Variants in CDH18 observed in about 807,000 individuals in gnomAD.
CDH18 encodes cadherin-18.
In CDH18, 31 loss-of-function variants were observed where a neutral mutation model predicts 67.9. The observed-to-expected ratio is 0.46, with a 90% CI of 0.34 to 0.62. The LOEUF is 0.62. Among genes scored for constraint, CDH18 ranks in the 20% least tolerant of loss-of-function variants. The pLI is 0.01. For synonymous variants in CDH18, 362 were observed against 347.2 expected, an observed-to-expected ratio of 1.04 and a Z score of -0.48; for missense variants, 890 against 975.5, an observed-to-expected ratio of 0.91 and a Z score of 1.17.
At chr5:20,515,269 T>C (rs1282177414) in intron 1 of CDH18, among the ~76,000 whole-genome samples, 1 of 128,630 alleles carries the variant, frequency 7.8e-6, no homozygotes, top group East Asian at 2.3e-4. Flanking sequence ...GAGTGTCCAA[T>C]AGAGGAAGGA....
At chr5:19,922,819 A>G (rs996653234) in intron 2 of CDH18, among the ~76,000 whole-genome samples, 5 of 152,182 alleles carry the variant, frequency 3.3e-5, no homozygotes, top group Admixed American at 2.0e-4. Flanking sequence ...AAAATCATAC[A>G]TCTTCTTCTT....
At chr5:19,957,077 G>C (rs1029250853) in intron 2 of CDH18, among the ~76,000 whole-genome samples, 1 of 151,908 alleles carries the variant, frequency 6.6e-6, no homozygotes, top group African/African-American at 2.4e-5. Context: ...CTGTTTCTCA[G>C]TTTAGTAAAG....
intron 3 of CDH18, among the ~76,000 whole-genome samples, chr5:19,780,998 G>A (rs116697720): frequency 1.2e-3 from 189 of 152,104 alleles, no homozygotes; most frequent in Non-Finnish European, 2.1e-3. Context: ...TATTTAAAAC[G>A]CCTGTAGAAG....
At chr5:20,433,313 T>A (rs1748915932) in intron 1 of CDH18, among the ~76,000 whole-genome samples, 1 of 151,966 alleles carries the variant, frequency 6.6e-6, no homozygotes, top group Admixed American at 6.6e-5. Flanking sequence ...TAGTTGATTC[T>A]AGCCTACCCA....
At chr5:19,571,533 G>T in intron 8 of CDH18, 46 bp downstream of exon 8, 1 of 1,535,724 alleles carries the variant, frequency 6.5e-7, no homozygotes, top group Non-Finnish European at 8.9e-7. Context: ...TAATGTGAGA[G>T]GCAATAAAAA....
At chr5:20,355,576 G>A (rs937190658) in intron 1 of CDH18, among the ~76,000 whole-genome samples, 3 of 152,128 alleles carry the variant, frequency 2.0e-5, no homozygotes, top group Non-Finnish European at 4.4e-5. Context: ...TTTAGAAAGT[G>A]TATATTGCTC....
intron 2 of CDH18, among the ~76,000 whole-genome samples, chr5:19,887,978 T>C (rs562977320): frequency 6.6e-6 from 1 of 152,086 alleles, no homozygotes; most frequent in Non-Finnish European, 1.5e-5. Context: ...GCATACACAA[T>C]TGCATGGTGT....
At chr5:20,548,495 A>AT (rs1394708065) in intron 1 of CDH18, among the ~76,000 whole-genome samples, 4 of 150,192 alleles carry the variant, frequency 2.7e-5, no homozygotes, top group Non-Finnish European at 4.4e-5. Flanking sequence ...ATTATGTTTA[A>AT]TTTTTTTAAG....
chr5:20,540,231 T>C lies in CDH18; in HGVS notation c.-580+35231A>G, dbSNP rs78545249. 3.3e-5 allele frequency among the ~76,000 whole-genome samples: 5 copies of C among 152,304 alleles called. No individual in the cohort carries two copies. In the East Asian group the frequency reaches 9.7e-4, roughly 29 times the overall value. Reference sequence around the variant, plus strand: ...TTTAAGCCTCATTGTACTTACCCTATAGTTTTGCCTAATTAAAAATAGTAA... The same window carrying C: ...TTTAAGCCTCATTGTACTTACCCTACAGTTTTGCCTAATTAAAAATAGTAA... On this transcript the variant is annotated intron_variant, in intron 1 of 14. Coordinates refer to the CDH18 transcript ENST00000507958.
intron 2 of CDH18, among the ~76,000 whole-genome samples, chr5:20,174,749 T>TA (rs1366793061): frequency 1.3e-5 from 2 of 152,126 alleles, no homozygotes; most frequent in African/African-American, 2.4e-5. Flanking sequence ...CCCATTATAA[T>TA]AAAAAGAACA....
intron 1 of CDH18, among the ~76,000 whole-genome samples, chr5:20,472,280 G>T (rs1255354648): frequency 6.6e-6 from 1 of 152,116 alleles, no homozygotes; most frequent in Non-Finnish European, 1.5e-5. Flanking sequence ...TTAGGAATAG[G>T]TTTTTAAATT....
chr5:19,613,561 G>T (rs1219924507), intron 5 of CDH18, among the ~76,000 whole-genome samples: 1 of 152,118 alleles, frequency 6.6e-6, no homozygotes, highest in Non-Finnish European at 1.5e-5. Flanking sequence ...GTAGTGCAAA[G>T]AGGGACGTTT....
At chr5:20,177,468 G>A (rs942954094) in intron 2 of CDH18, among the ~76,000 whole-genome samples, 10 of 152,040 alleles carry the variant, frequency 6.6e-5, no homozygotes, top group South Asian at 4.2e-4. Context: ...CAAACAACTC[G>A]CAATATTTAT....
chr5:19,593,352 T>C (rs550639436), intron 6 of CDH18, among the ~76,000 whole-genome samples: 12 of 152,280 alleles, frequency 7.9e-5, no homozygotes, highest in Admixed American at 6.5e-4. Flanking sequence ...TTTTCATAAA[T>C]AGCCATCCTG....
intron 2 of CDH18, among the ~76,000 whole-genome samples, chr5:20,000,178 C>T (rs762176436): frequency 2.0e-5 from 3 of 152,030 alleles, no homozygotes; most frequent in African/African-American, 7.2e-5. Flanking sequence ...ATAGGGATGG[C>T]GTTGGCCTAG....
intron 2 of CDH18, among the ~76,000 whole-genome samples, chr5:20,105,537 C>T (rs1386983355): frequency 6.6e-6 from 1 of 152,184 alleles, no homozygotes; most frequent in African/African-American, 2.4e-5. Context: ...TCTAGAACTT[C>T]TTCATCTCAC....
intron 1 of CDH18, among the ~76,000 whole-genome samples, chr5:20,491,484 A>G (rs1413272220): frequency 6.6e-6 from 1 of 152,210 alleles, no homozygotes; most frequent in East Asian, 1.9e-4. Context: ...TGTGATTATA[A>G]AGGATGGCCA....
chr5:20,184,376 T>C (rs571353587), intron 2 of CDH18, among the ~76,000 whole-genome samples: 1 of 152,242 alleles, frequency 6.6e-6, no homozygotes, highest in South Asian at 2.1e-4. Flanking sequence ...TGTAACTTTC[T>C]CTTACAATGC....
At chr5:19,669,702 G>A (rs1390264948) in intron 5 of CDH18, among the ~76,000 whole-genome samples, 1 of 152,046 alleles carries the variant, frequency 6.6e-6, no homozygotes, top group Admixed American at 6.6e-5. Flanking sequence ...TTATCCATTA[G>A]ACAAGAGCAA....
Sources: gnomAD v4.1 joint callset for allele counts (sites outside exome capture counted in the v4.1 genomes callset) on GRCh38, gnomAD v4.1.1 for gene constraint, MANE v1.5 for transcripts, NCBI Gene and HGNC (gene_info 2026-07-23, HGNC 2026-07-21) for gene names.